The following CDH18 variants were observed in gnomAD, a reference collection of about 807,000 sequenced individuals.
The protein encoded by CDH18 is cadherin-18.
CDH18 carries 31 observed loss-of-function variants against 67.9 expected under a neutral mutation model. The ratio of observed to expected loss-of-function variants is 0.46; its 90% CI spans 0.34 to 0.62. The LOEUF (loss-of-function observed/expected upper bound fraction) is 0.62. CDH18 is among the 20% of genes least tolerant of loss of function. The pLI, the probability that CDH18 is intolerant of heterozygous loss-of-function variation, is 0.01. For missense variants in CDH18, 890 were observed against 975.5 expected (o/e 0.91, Z 1.17); for synonymous variants, 362 against 347.2 (o/e 1.04, Z -0.48).
chr5:20,424,974 A>T (rs906336863), intron 1 of CDH18, among the ~76,000 whole-genome samples: 1 of 150,728 alleles, frequency 6.6e-6, no homozygotes, highest in Non-Finnish European at 1.5e-5. Flanking sequence ...GGACTGGGTC[A>T]ACCAGAAAAT....
intron 1 of CDH18, among the ~76,000 whole-genome samples, chr5:20,379,536 A>G (rs922149341): frequency 5.9e-5 from 9 of 152,194 alleles, no homozygotes; most frequent in African/African-American, 2.2e-4. Context: ...ACCATGAAAC[A>G]CACTAAATAT....
At chr5:20,434,242 G>T (rs756421908) in intron 1 of CDH18, among the ~76,000 whole-genome samples, 1 of 151,952 alleles carries the variant, frequency 6.6e-6, no homozygotes, top group Non-Finnish European at 1.5e-5. Context: ...TTAAATCAGG[G>T]AATTAAAAAC....
At chr5:19,788,735 A>T (rs1208097837) in intron 3 of CDH18, among the ~76,000 whole-genome samples, 1 of 152,224 alleles carries the variant, frequency 6.6e-6, no homozygotes, top group Non-Finnish European at 1.5e-5. Flanking sequence ...TTAATGAAGG[A>T]TTATGCCCTC....
chr5:19,615,173 C>G (rs957109140), intron 5 of CDH18, among the ~76,000 whole-genome samples: 2 of 151,346 alleles, frequency 1.3e-5, no homozygotes, highest in Non-Finnish European at 2.9e-5. Context: ...AAAATCATAA[C>G]GCTCTCTTCA....
intron 2 of CDH18, among the ~76,000 whole-genome samples, chr5:20,139,641 T>A (rs570567781): frequency 3.4e-4 from 52 of 151,914 alleles, no homozygotes; most frequent in African/African-American, 1.2e-3. Flanking sequence ...AACAACCCCA[T>A]CAAAAAGTGA....
intron 5 of CDH18, among the ~76,000 whole-genome samples, chr5:19,653,011 AC>A (rs935025177): frequency 2.0e-5 from 3 of 151,486 alleles, no homozygotes; most frequent in Non-Finnish European, 4.4e-5. Context: ...CCTACTATTA[AC>A]CCCTTGATTT....
In CDH18 at chr5:20,136,119, A is replaced by G. The variant is rs185917956; in HGVS notation, c.-518+119325T>C. Among the ~76,000 whole-genome samples, 10 of 152,270 alleles carry G rather than the reference A, an allele frequency of 6.6e-5. No individual in the cohort carries two copies. The East Asian group carries it at 1.2e-3, about 18-fold the overall frequency. ...GATGTCTATTAGGTCTGCTTATTGC[A>G]GAGCTGAGTTCAATTCCTGGATGTC... is the stretch of plus-strand genomic sequence containing the variant. On this transcript the variant is annotated intron_variant, in intron 2 of 14. Coordinates refer to the CDH18 transcript ENST00000507958.
At chr5:19,998,011 C>T (rs1736148050) in intron 2 of CDH18, among the ~76,000 whole-genome samples, 1 of 152,096 alleles carries the variant, frequency 6.6e-6, no homozygotes, top group African/African-American at 2.4e-5. Context: ...AGGCTGGAAA[C>T]ATGAAATGGA....
At chr5:19,868,539 A>G (rs1237039830) in intron 2 of CDH18, among the ~76,000 whole-genome samples, 1 of 152,200 alleles carries the variant, frequency 6.6e-6, no homozygotes, top group Non-Finnish European at 1.5e-5. Context: ...ATTGATTTAA[A>G]AACAAATTAT....
Position 19,821,982 on chromosome 5 carries a change from A to G in CDH18, c.228+16777T>C, listed in dbSNP as rs1779922343. 5.3e-5 allele frequency among the ~76,000 whole-genome samples: 8 copies of G among 152,216 alleles called. No individual in the cohort carries two copies. In the South Asian group the frequency reaches 1.7e-3, roughly 31 times the overall value. ...AGAGAGTTCTAAATATCAAGACAAA[A>G]TAATGATACCTGCTTCCACAAAGAC... On this transcript the variant is annotated intron_variant, in intron 3 of 12. Transcript: ENST00000382275.
intron 2 of CDH18, among the ~76,000 whole-genome samples, chr5:20,072,494 C>A (rs1452854078): frequency 6.6e-6 from 1 of 151,928 alleles, no homozygotes; most frequent in Admixed American, 6.6e-5. Flanking sequence ...CTGAAATGGA[C>A]TTCACAAGAA....
At chr5:20,357,701 C>T (rs1307975331) in intron 1 of CDH18, among the ~76,000 whole-genome samples, 1 of 152,080 alleles carries the variant, frequency 6.6e-6, no homozygotes, top group Admixed American at 6.6e-5. Context: ...ACTTTATACA[C>T]TATTATTGGG....
chr5:20,000,939 T>G (rs1561701827), intron 2 of CDH18, among the ~76,000 whole-genome samples: 2 of 152,200 alleles, frequency 1.3e-5, no homozygotes. Context: ...AAATGTAACT[T>G]TATATGACTA....
intron 2 of CDH18, among the ~76,000 whole-genome samples, chr5:19,917,336 T>TC (rs113118463): frequency 0.036 from 5,376 of 149,824 alleles, 262 homozygotes; most frequent in African/African-American, 0.11. Context: ...ATTTTTTCTT[T>TC]CCCCCCCCGC....
chr5:20,566,341 CTT>C (rs1233671926), intron 1 of CDH18, among the ~76,000 whole-genome samples: 5 of 145,716 alleles, frequency 3.4e-5, no homozygotes, highest in African/African-American at 1.3e-4. Context: ...TTCTGATTCT[CTT>C]GATTTTTTTT....
intron 2 of CDH18, among the ~76,000 whole-genome samples, chr5:19,979,386 C>T (rs943058159): frequency 3.3e-5 from 5 of 152,076 alleles, no homozygotes; most frequent in Non-Finnish European, 7.4e-5. Context: ...CTCAGACCTT[C>T]TGCTGAAACT....
chr5:20,175,341 C>G (rs1737149505), intron 2 of CDH18, among the ~76,000 whole-genome samples: 1 of 152,120 alleles, frequency 6.6e-6, no homozygotes, highest in African/African-American at 2.4e-5. Flanking sequence ...AGCCACCTCT[C>G]TCCTGCTGCC....
rs146947452 is a variant in CDH18 at position 20,142,487 on chromosome 5, C to T, written c.-518+112957G>A. ...CTCAACTATTTGGGTGGCAGAGGCACGAGAATCACTTTAACCCAGGAGGCA... is the reference window on the plus strand; with the variant it reads ...CTCAACTATTTGGGTGGCAGAGGCATGAGAATCACTTTAACCCAGGAGGCA... On this transcript the variant is annotated intron_variant, in intron 2 of 14. Coordinates refer to the CDH18 transcript ENST00000507958. 8.8e-3 allele frequency among the ~76,000 whole-genome samples: 1,331 copies of T among 150,764 alleles called. 12 individuals carry two copies. The highest frequency in any genetic ancestry group is 0.014 in the Non-Finnish European group (973 of 67,806).
At chr5:19,796,750 G>T (rs9292759) in intron 3 of CDH18, among the ~76,000 whole-genome samples, 83,391 of 151,742 alleles carry the variant, frequency 0.55, 23,222 homozygotes, top group Middle Eastern at 0.68. Context: ...TATCCAAGGC[G>T]ATAAGTGAAG....
Sources: allele counts gnomAD v4.1 joint callset (sites outside exome capture counted in the v4.1 genomes callset), GRCh38; gene constraint gnomAD v4.1.1; transcripts MANE v1.5; gene names NCBI Gene and HGNC (gene_info 2026-07-23, HGNC 2026-07-21).